ADAMTS18: variants seen among roughly 807,000 people sequenced by gnomAD.
ADAMTS18 encodes A disintegrin and metalloproteinase with thrombospondin motifs 18.
Under a neutral mutation model 165.9 loss-of-function variants are expected in ADAMTS18, and 157 were observed. That is an observed-to-expected ratio of 0.95 (90% CI 0.83 to 1.08). ADAMTS18 has a LOEUF of 1.08. ADAMTS18 is among the 50% of genes least tolerant of loss of function. The probability of loss-of-function intolerance (pLI) is 0.00; values close to 1 mark genes in which losing one functional copy is unlikely to be tolerated. For missense variants in ADAMTS18, 2,040 were observed against 1,534.0 expected (o/e 1.33, Z -5.51); for synonymous variants, 782 against 578.2 (o/e 1.35, Z -5.06).
intron 3 of ADAMTS18, among the ~76,000 whole-genome samples, chr16:77,414,361 T>C (rs1271128774): frequency 1.3e-5 from 2 of 152,194 alleles, no homozygotes; most frequent in African/African-American, 4.8e-5. Flanking sequence ...TCGTCTGAAC[T>C]GAAAGTGCAT....
In ADAMTS18 at chr16:77,372,518, C is replaced by A. The variant is rs545874181; in HGVS notation, c.496-4795G>T. On this transcript the variant is annotated intron_variant, in intron 3 of 22. Coordinates refer to ENST00000282849, the MANE Select transcript of ADAMTS18 (RefSeq NM_199355.4). ...CGACATGATGTGTAGAGCCTGAAAT[C>A]AAAGACGGAGTCTTCATTCACAAGC... Among the ~76,000 whole-genome samples, 5 of 152,290 alleles carry A rather than the reference C, an allele frequency of 3.3e-5. No individual in the cohort carries two copies. The South Asian group carries it at 1.0e-3, about 32-fold the overall frequency.
At chr16:77,301,490 T>C (rs2055581915) in intron 16 of ADAMTS18, among the ~76,000 whole-genome samples, 1 of 152,234 alleles carries the variant, frequency 6.6e-6, no homozygotes, top group Non-Finnish European at 1.5e-5. Flanking sequence ...AGCATGAATA[T>C]AAATAGCTGG....
intron 3 of ADAMTS18, among the ~76,000 whole-genome samples, chr16:77,395,349 T>C (rs2057242900): frequency 6.6e-6 from 1 of 152,190 alleles, no homozygotes; most frequent in African/African-American, 2.4e-5. Context: ...GTTACTTGGC[T>C]TTCTACTCTG....
At chr16:77,434,087 G>A (rs551845439) in intron 2 of ADAMTS18, among the ~76,000 whole-genome samples, 3 of 152,292 alleles carry the variant, frequency 2.0e-5, no homozygotes, top group East Asian at 3.9e-4. Context: ...TTAGGAGAGG[G>A]AGGAAATAAG....
intron 3 of ADAMTS18, among the ~76,000 whole-genome samples, chr16:77,386,085 A>T (rs1382701930): frequency 2.0e-5 from 3 of 152,168 alleles, no homozygotes; most frequent in African/African-American, 7.2e-5. Flanking sequence ...CACATCTGAA[A>T]TTCTATTTCT....
chr16:77,338,546 A>G (rs1193055027), intron 11 of ADAMTS18, among the ~76,000 whole-genome samples: 1 of 152,034 alleles, frequency 6.6e-6, no homozygotes, highest in African/African-American at 2.4e-5. Context: ...CCCAGCATAC[A>G]TATTTCTGGC....
At chr16:77,285,023 C>G (rs778851185) in intron 22 of ADAMTS18, among the ~76,000 whole-genome samples, 1 of 152,160 alleles carries the variant, frequency 6.6e-6, no homozygotes, top group Admixed American at 6.5e-5. Context: ...CCAGTCCTTT[C>G]TAATTTCTTT....
At chr16:77,410,641 C>G (rs2057450174) in intron 3 of ADAMTS18, among the ~76,000 whole-genome samples, 1 of 152,136 alleles carries the variant, frequency 6.6e-6, no homozygotes, top group African/African-American at 2.4e-5. Context: ...CTCTCGACCC[C>G]CCTACCATCT....
intron 3 of ADAMTS18, among the ~76,000 whole-genome samples, chr16:77,426,646 C>G (rs1419598877): frequency 6.6e-6 from 1 of 152,206 alleles, no homozygotes; most frequent in African/African-American, 2.4e-5. Context: ...CGACCTGGAT[C>G]TAACATGCAT....
intron 3 of ADAMTS18, among the ~76,000 whole-genome samples, chr16:77,397,104 C>T (rs1260548013): frequency 2.0e-5 from 3 of 152,250 alleles, no homozygotes; most frequent in East Asian, 1.9e-4. Flanking sequence ...CCACCACGGC[C>T]GGCCTGGATT....
intron 16 of ADAMTS18, among the ~76,000 whole-genome samples, chr16:77,309,932 A>G (rs1447606514): frequency 2.6e-5 from 4 of 152,216 alleles, no homozygotes; most frequent in African/African-American, 9.6e-5. Context: ...CCTCAAATGC[A>G]TTTTAGGAGA....
intron 3 of ADAMTS18, among the ~76,000 whole-genome samples, chr16:77,386,060 A>T (rs2057103184): frequency 6.6e-6 from 1 of 152,200 alleles, no homozygotes; most frequent in South Asian, 2.1e-4. Flanking sequence ...GGACTTGGTA[A>T]CTTAGTGGTT....
At chr16:77,389,599 C>T (rs1040306603) in intron 3 of ADAMTS18, among the ~76,000 whole-genome samples, 1 of 152,186 alleles carries the variant, frequency 6.6e-6, no homozygotes, top group Admixed American at 6.5e-5. Context: ...CCTCTAGCTG[C>T]ACCGACATCA....
intron 22 of ADAMTS18, among the ~76,000 whole-genome samples, chr16:77,288,535 C>T (rs1001783825): frequency 2.4e-4 from 36 of 152,200 alleles, no homozygotes; most frequent in African/African-American, 8.2e-4. Flanking sequence ...ATTTTCCTAT[C>T]AGTACTCACT....
intron 15 of ADAMTS18, 94 bp downstream of exon 15, chr16:77,320,985 T>C: frequency 6.8e-7 from 1 of 1,478,580 alleles, no homozygotes; most frequent in Non-Finnish European, 9.5e-7. Flanking sequence ...TCCAGTGAAC[T>C]AGTAAAAGGC....
rs1050376561 is a variant in ADAMTS18 at position 77,283,897 on chromosome 16, T to C, written c.*59A>G. On this transcript the variant is annotated 3_prime_UTR_variant, in exon 23 of 23. Coordinates refer to ENST00000282849, the MANE Select transcript of ADAMTS18 (RefSeq NM_199355.4). Reference sequence around the variant, plus strand: ...AGCTCCTGGTCTCAAAGGCAGCTGGTCTCTCTAGAGGTTGAAAGGTAAGCC... The same window carrying C: ...AGCTCCTGGTCTCAAAGGCAGCTGGCCTCTCTAGAGGTTGAAAGGTAAGCC... 54 of 1,330,252 alleles carry C rather than the reference T, an allele frequency of 4.1e-5. No homozygotes were observed. Among genetic ancestry groups the C allele is most frequent in the Non-Finnish European group, 5.9e-5 (54 of 923,062 alleles). The allele number at this position is 1,330,252 out of a possible 1,614,324, so 82.4% of individuals were successfully genotyped here.
At chr16:77,415,630 C>A (rs1414937837) in intron 3 of ADAMTS18, among the ~76,000 whole-genome samples, 5 of 150,124 alleles carry the variant, frequency 3.3e-5, no homozygotes, top group Non-Finnish European at 5.9e-5. Flanking sequence ...CACCTTCCCA[C>A]AGACTGCATG....
At chr16:77,430,710 C>G (rs1286729978) in intron 3 of ADAMTS18, among the ~76,000 whole-genome samples, 1 of 152,218 alleles carries the variant, frequency 6.6e-6, no homozygotes, top group Non-Finnish European at 1.5e-5. Flanking sequence ...GGAAATAACA[C>G]TGGTCCCAAA....
At chr16:77,434,254 C>CA (rs1158959334) in intron 2 of ADAMTS18, among the ~76,000 whole-genome samples, 164 bp downstream of exon 2, 5 of 151,786 alleles carry the variant, frequency 3.3e-5, no homozygotes, top group African/African-American at 1.2e-4. Context: ...TTGATAAGTT[C>CA]AGTCCTTGCC....
Sources: allele counts gnomAD v4.1 joint callset (sites outside exome capture counted in the v4.1 genomes callset), GRCh38; gene constraint gnomAD v4.1.1; transcripts MANE v1.5; gene names NCBI Gene and HGNC (gene_info 2026-07-23, HGNC 2026-07-21).